The following ERCC6 variants were observed in gnomAD, a reference collection of about 807,000 sequenced individuals.
ERCC6 encodes the protein ERCC excision repair 6, chromatin remodeling factor.
Under a neutral mutation model 158.7 loss-of-function variants are expected in ERCC6, and 116 were observed. The ratio of observed to expected loss-of-function variants is 0.73; its 90% CI spans 0.63 to 0.85. The LOEUF (loss-of-function observed/expected upper bound fraction) is 0.85, where lower values mean the gene tolerates loss of function less well. Ranked by LOEUF, ERCC6 falls within the 40% of genes least tolerant of loss-of-function variation. The pLI is 0.00. For missense variants in ERCC6, 1,698 were observed against 1,799.4 expected (o/e 0.94, Z 1.02); for synonymous variants, 678 against 659.3 (o/e 1.03, Z -0.43).
Position 49,458,082 on chromosome 10 carries a change from T to G in ERCC6, c.*733A>C, listed in dbSNP as rs185203927. The stretch of plus-strand genomic sequence containing the variant: ...TTATGTACCTACTTTTGGCTTTAAT[T>G]TGATTTTTTTTAATGATAACACATT... On this transcript the variant is annotated 3_prime_UTR_variant, in exon 21 of 21. Coordinates refer to ENST00000355832, the MANE Select transcript of ERCC6 (RefSeq NM_000124.4). 33 of 152,312 alleles carry G rather than the reference T, an allele frequency of 2.2e-4. 1 individual carries two copies. Among genetic ancestry groups the G allele is most frequent in the African/African-American group, 5.8e-4 (24 of 41,544 alleles). The allele number at this position is 152,312 out of a possible 1,614,324, so 9.4% of individuals were successfully genotyped here.
At chr10:49,450,661 T>C (rs114074533), downstream of ERCC6, among the ~76,000 whole-genome samples, 1,132 of 151,768 alleles carry the variant, frequency 7.5e-3, 13 homozygotes, top group African/African-American at 0.026. Context: ...TATTTAGGTC[T>C]TCTTTAATTA....
intron 11 of ERCC6, among the ~76,000 whole-genome samples, chr10:49,477,568 T>C (rs1248330924): frequency 2.0e-5 from 3 of 152,162 alleles, no homozygotes; most frequent in Non-Finnish European, 2.9e-5. Flanking sequence ...CACTGGGTCC[T>C]TTCCAGGTCA....
chr10:49,532,410 T>C (rs904124457), intron 2 of ERCC6, 133 bp downstream of exon 2: 28 of 1,409,582 alleles, frequency 2.0e-5, no homozygotes, highest in Non-Finnish European at 2.6e-5. Context: ...GGACTGCCCT[T>C]ATTGACTCTG....
intron 15 of ERCC6, 71 bp from the exon 16 acceptor site, chr10:49,472,541 A>AGCTAGCTG: frequency 6.6e-6 from 10 of 1,507,618 alleles, no homozygotes; most frequent in Admixed American, 1.7e-5. Flanking sequence ...TAAGAAACAA[A>AGCTAGCTG]GCTAGCTGGT....
In ERCC6 at chr10:49,532,836, C is replaced by A. The variant is rs1564447267; in HGVS notation, c.129G>T (p.Glu43Asp). The change falls in exon 2 of 21, where the codon GAG becomes GAT. Residue 43 changes from glutamate to aspartate, a missense_variant. Physicochemically the swap from Glu to Asp is conservative, Grantham distance 45 (BLOSUM62 2). Coordinates refer to ENST00000355832, the MANE Select transcript of ERCC6 (RefSeq NM_000124.4). ...QESGGDGEVEEYLSFRSVGDG... is the reference protein window; with the variant it reads ...QESGGDGEVEDYLSFRSVGDG... ...CACCCACAGAACGAAAGGAGAGGTA[C>A]TCCTCCACCTCCCCATCACCACCAC... The A allele has an allele frequency of 1.2e-6, 2 of 1,614,168 alleles. No homozygotes were observed. Among genetic ancestry groups the A allele is most frequent in the Non-Finnish European group, 1.7e-6 (2 of 1,180,004 alleles).
intron 8 of ERCC6, among the ~76,000 whole-genome samples, chr10:49,489,178 A>C (rs1851130229): frequency 6.6e-6 from 1 of 152,204 alleles, no homozygotes; most frequent in South Asian, 2.1e-4. Flanking sequence ...ATGATCTTGA[A>C]TGACCATGAA....
intron 14 of ERCC6, 131 bp from the exon 15 acceptor site, chr10:49,473,159 G>C (rs1359412570): frequency 2.6e-6 from 3 of 1,168,046 alleles, no homozygotes; most frequent in Non-Finnish European, 3.7e-6. Context: ...ATGTCCTAGA[G>C]ACCTCTGGTG....
intron 7 of ERCC6, among the ~76,000 whole-genome samples, chr10:49,499,305 C>T (rs1851317100): frequency 6.6e-6 from 1 of 152,190 alleles, no homozygotes; most frequent in South Asian, 2.1e-4. Context: ...TTCTAAAACT[C>T]CAAACACTCC....
chr10:49,488,884 C>T (rs553425755), intron 8 of ERCC6, among the ~76,000 whole-genome samples: 90 of 152,116 alleles, frequency 5.9e-4, no homozygotes, highest in Non-Finnish European at 1.1e-3. Flanking sequence ...CCCAGGTTCA[C>T]GCCATTCTCC....
downstream of ERCC6, among the ~76,000 whole-genome samples, chr10:49,449,534 T>C (rs1002839962): frequency 6.6e-6 from 1 of 151,610 alleles, no homozygotes; most frequent in African/African-American, 2.4e-5. Flanking sequence ...CTAAGAGTTT[T>C]ATAGGTTTTG....
intron 1 of ERCC6, among the ~76,000 whole-genome samples, chr10:49,537,799 T>G (rs1250988583): frequency 6.6e-6 from 1 of 152,126 alleles, no homozygotes; most frequent in Non-Finnish European, 1.5e-5. Flanking sequence ...CCAGGCTCAC[T>G]GCAACCTCCG....
At chr10:49,467,203 C>T (rs920604065) in intron 18 of ERCC6, among the ~76,000 whole-genome samples, 4 of 152,178 alleles carry the variant, frequency 2.6e-5, no homozygotes, top group Non-Finnish European at 5.9e-5. Context: ...CATGTACAAG[C>T]CTTCGTATGG....
intron 5 of ERCC6, among the ~76,000 whole-genome samples, chr10:49,506,871 G>A (rs1053133922): frequency 2.0e-5 from 3 of 151,354 alleles, no homozygotes; most frequent in Non-Finnish European, 2.9e-5. Flanking sequence ...TTTTCATTCA[G>A]CATGGTGCAA....
intron 5 of ERCC6, among the ~76,000 whole-genome samples, chr10:49,520,320 G>A (rs987843344): frequency 1.3e-5 from 2 of 152,130 alleles, no homozygotes; most frequent in Admixed American, 6.5e-5. Flanking sequence ...GGGAAGCTTT[G>A]CTCTCGTCTG....
At chr10:49,482,897 T>A (rs778203172) in intron 9 of ERCC6, 34 bp from the exon 10 acceptor site, 22 of 1,612,940 alleles carry the variant, frequency 1.4e-5, no homozygotes, top group Non-Finnish European at 1.9e-5. Flanking sequence ...TTTTATTAAA[T>A]TTACCTTTTA....
intron 5 of ERCC6, among the ~76,000 whole-genome samples, chr10:49,518,547 T>G (rs4253069): frequency 6.6e-6 from 1 of 152,194 alleles, no homozygotes; most frequent in Admixed American, 6.5e-5. Context: ...TCATTGTTCT[T>G]GTGCACCACT....
downstream of ERCC6, among the ~76,000 whole-genome samples, chr10:49,452,906 T>C (rs1488261367): frequency 6.6e-6 from 1 of 152,166 alleles, no homozygotes; most frequent in African/African-American, 2.4e-5. Flanking sequence ...GGCAATTGTT[T>C]GCACTATTTC....
At chr10:49,515,238 T>A in intron 5 of ERCC6, 1 of 1,452,584 alleles carries the variant, frequency 6.9e-7, no homozygotes, top group Non-Finnish European at 9.0e-7. Flanking sequence ...CATTGTTATG[T>A]GACGTTCCAA....
chr10:49,518,924 T>C (rs1015558473), intron 5 of ERCC6, among the ~76,000 whole-genome samples: 3 of 152,100 alleles, frequency 2.0e-5, no homozygotes, highest in African/African-American at 7.2e-5. Flanking sequence ...AGGTAAAAAA[T>C]AGGGCACAAG....
Sources: gnomAD v4.1 joint callset for allele counts (sites outside exome capture counted in the v4.1 genomes callset) on GRCh38, gnomAD v4.1.1 for gene constraint, MANE v1.5 for transcripts, NCBI Gene and HGNC (gene_info 2026-07-23, HGNC 2026-07-21) for gene names.